FBXO25: variants seen among roughly 807,000 people sequenced by gnomAD.
The protein encoded by FBXO25 is F-box only protein 25.
In FBXO25, 45 loss-of-function variants were observed where a neutral mutation model predicts 51.9. That is an observed-to-expected ratio of 0.87 (90% CI 0.68 to 1.11). FBXO25 has a LOEUF of 1.11. FBXO25 is among the 50% of genes most tolerant of loss of function. The pLI, the probability that FBXO25 is intolerant of heterozygous loss-of-function variation, is 0.00. For synonymous variants in FBXO25, 199 were observed against 151.0 expected, an observed-to-expected ratio of 1.32 and a Z score of -2.33; for missense variants, 507 against 428.5, an observed-to-expected ratio of 1.18 and a Z score of -1.62.
At chr8:451,204 C>T in intron 6 of FBXO25, 65 bp from the exon 7 acceptor site, 1 of 1,420,696 alleles carries the variant, frequency 7.0e-7, no homozygotes, top group East Asian at 2.3e-5. Context: ...GGTTATGAAA[C>T]TAGATCTTTT....
intron 2 of FBXO25, among the ~76,000 whole-genome samples, chr8:416,202 G>C (rs1796789973): frequency 6.6e-6 from 1 of 152,196 alleles, no homozygotes; most frequent in Admixed American, 6.5e-5. Context: ...CACTGTGTTT[G>C]CTTGGTTGGC....
chr8:455,835 A>C (rs1585086801), intron 7 of FBXO25, among the ~76,000 whole-genome samples: 1 of 152,350 alleles, frequency 6.6e-6, no homozygotes, highest in Non-Finnish European at 1.5e-5. Context: ...ATGTTCAGCA[A>C]GACTTTTGTG....
chr8:413,717 C>G (rs1278643446), intron 2 of FBXO25, among the ~76,000 whole-genome samples: 1 of 152,202 alleles, frequency 6.6e-6, no homozygotes, highest in Non-Finnish European at 1.5e-5. Flanking sequence ...GCTACATTTG[C>G]GCTCAGGCCG....
At chr8:424,667 G>T (rs1449952283) in intron 2 of FBXO25, among the ~76,000 whole-genome samples, 3 of 152,162 alleles carry the variant, frequency 2.0e-5, no homozygotes, top group Admixed American at 1.3e-4. Flanking sequence ...AGATTGAATG[G>T]TTGTAGGTGT....
At chr8:460,136 G>A (rs1375972889) in intron 8 of FBXO25, among the ~76,000 whole-genome samples, 6 of 152,238 alleles carry the variant, frequency 3.9e-5, no homozygotes, top group Non-Finnish European at 5.9e-5. Context: ...TTTGCCCTGG[G>A]ACACTCCCTA....
chr8:457,159 G>T (rs1490543963), intron 7 of FBXO25, among the ~76,000 whole-genome samples: 1 of 152,198 alleles, frequency 6.6e-6, no homozygotes, highest in African/African-American at 2.4e-5. Context: ...CACGACAGAA[G>T]CGCCACCCCA....
intron 2 of FBXO25, among the ~76,000 whole-genome samples, chr8:430,543 C>G (rs1038322098): frequency 6.6e-6 from 1 of 151,916 alleles, no homozygotes; most frequent in African/African-American, 2.4e-5. Flanking sequence ...AATTTTAGTT[C>G]CTTGGATTTG....
In FBXO25 at chr8:473,983, A is replaced by G. The variant is rs1250314899; in HGVS notation, c.*5179A>G. The G allele has an allele frequency of 3.3e-5, 5 of 152,302 alleles. No homozygotes were observed. Among genetic ancestry groups the G allele is most frequent in the Admixed American group, 6.5e-5 (1 of 15,300 alleles). 9.4% of individuals were successfully genotyped at this position (152,302 alleles called of 1,614,324 possible). The stretch of plus-strand genomic sequence containing the variant: ...CCATCTTACCTATTTTAAGTGTGCA[A>G]TTTAGTGGCATTAAATACATTCATA... On this transcript the variant is annotated 3_prime_UTR_variant, in exon 10 of 10. Transcript: ENST00000350302.
intron 8 of FBXO25, among the ~76,000 whole-genome samples, chr8:459,416 G>T (rs1799662242): frequency 6.6e-6 from 1 of 152,170 alleles, no homozygotes; most frequent in Admixed American, 6.5e-5. Context: ...TAGTGAGGAA[G>T]CACGGCAGAG....
At chr8:441,671 GAAA>G (rs998403018) in intron 5 of FBXO25, among the ~76,000 whole-genome samples, 1 of 152,012 alleles carries the variant, frequency 6.6e-6, no homozygotes, top group South Asian at 2.1e-4. Flanking sequence ...AAATTTACAA[GAAA>G]AAAACAACCC....
chr8:451,943 G>A (rs1201906233), intron 7 of FBXO25, among the ~76,000 whole-genome samples: 1 of 151,972 alleles, frequency 6.6e-6, no homozygotes, highest in South Asian at 2.1e-4. Context: ...TCTTTATTCT[G>A]GTAACTAGTT....
chr8:407,737 C>T (rs1056163076), intron 1 of FBXO25, among the ~76,000 whole-genome samples: 1 of 152,186 alleles, frequency 6.6e-6, no homozygotes, highest in African/African-American at 2.4e-5. Flanking sequence ...CTGCTGCTTA[C>T]CTTTTTTTCC....
chr8:412,011 C>T (rs1284655234), intron 1 of FBXO25, among the ~76,000 whole-genome samples: 1 of 152,200 alleles, frequency 6.6e-6, no homozygotes, highest in Non-Finnish European at 1.5e-5. Flanking sequence ...TAATGCACAG[C>T]AGTAGTTGAA....
intron 7 of FBXO25, among the ~76,000 whole-genome samples, chr8:454,619 C>T (rs1046597805): frequency 1.3e-5 from 2 of 152,150 alleles, no homozygotes; most frequent in Non-Finnish European, 2.9e-5. Context: ...GGGCCGGGCG[C>T]GATGGCTCAC....
chr8:437,103 C>G (rs1798148075), intron 5 of FBXO25, among the ~76,000 whole-genome samples: 3 of 152,092 alleles, frequency 2.0e-5, no homozygotes, highest in East Asian at 3.9e-4. Flanking sequence ...CTATAATTTG[C>G]TGGGTAGCTT....
At chr8:445,679 C>G (rs1164733410) in intron 5 of FBXO25, among the ~76,000 whole-genome samples, 1 of 152,156 alleles carries the variant, frequency 6.6e-6, no homozygotes, top group Non-Finnish European at 1.5e-5. Context: ...ATGGTGAAAC[C>G]TGTCTCTACT....
chr8:430,485 G>T (rs1244395393), intron 2 of FBXO25, among the ~76,000 whole-genome samples: 1 of 152,006 alleles, frequency 6.6e-6, no homozygotes, highest in Non-Finnish European at 1.5e-5. Flanking sequence ...AGTGGAAAGG[G>T]GCTTGTGTAC....
intron 5 of FBXO25, among the ~76,000 whole-genome samples, chr8:446,840 T>C (rs1798765397): frequency 6.6e-6 from 1 of 152,212 alleles, no homozygotes; most frequent in South Asian, 2.1e-4. Flanking sequence ...GTCACATTTA[T>C]AATGTTATTT....
intron 2 of FBXO25, among the ~76,000 whole-genome samples, chr8:420,906 A>G (rs1049277782): frequency 2.0e-5 from 3 of 152,252 alleles, no homozygotes; most frequent in East Asian, 1.9e-4. Context: ...ACTAAAATCA[A>G]CATAGATGTT....
Sources: gnomAD v4.1 joint callset for allele counts (sites outside exome capture counted in the v4.1 genomes callset) on GRCh38, gnomAD v4.1.1 for gene constraint, MANE v1.5 for transcripts, NCBI Gene and HGNC (gene_info 2026-07-23, HGNC 2026-07-21) for gene names.